Variants in SHE observed in about 807,000 individuals in gnomAD.
The protein encoded by SHE is SH2 domain-containing adapter protein E.
A neutral mutation model predicts 49.8 loss-of-function variants in SHE; 11 were observed. The observed-to-expected ratio is 0.22, with a 90% CI of 0.14 to 0.37. The LOEUF is 0.37. Ranked by LOEUF, SHE falls within the 10% of genes least tolerant of loss-of-function variation. The probability of loss-of-function intolerance (pLI) is 1.00; values close to 1 mark genes in which losing one functional copy is unlikely to be tolerated. For missense variants in SHE, 624 were observed against 655.5 expected (o/e 0.95, Z 0.52); for synonymous variants, 310 against 278.1 (o/e 1.11, Z -1.14).
At chr1:154,501,388 G>A in intron 1 of SHE, 48 bp downstream of exon 1, 2 of 1,579,264 alleles carry the variant, frequency 1.3e-6, no homozygotes, top group South Asian at 1.1e-5. Flanking sequence ...CAGGCGCCCA[G>A]GGCTCCCCTT....
At chr1:154,478,488 C>T (rs1055270906), downstream of SHE, among the ~76,000 whole-genome samples, 6 of 150,302 alleles carry the variant, frequency 4.0e-5, no homozygotes, top group African/African-American at 1.2e-4. Flanking sequence ...TGGGCTCTAC[C>T]ACTTACTATG....
intron 2 of SHE, among the ~76,000 whole-genome samples, chr1:154,489,968 T>C (rs545578956): frequency 6.6e-6 from 1 of 152,346 alleles, no homozygotes; most frequent in South Asian, 2.1e-4. Flanking sequence ...AAAACCAGAA[T>C]GGCTGTATGT....
intron 2 of SHE, among the ~76,000 whole-genome samples, chr1:154,493,002 C>CTAAAA (rs1692413331): frequency 2.0e-5 from 3 of 152,072 alleles, no homozygotes; most frequent in South Asian, 4.1e-4. Flanking sequence ...CCCACCTCCC[C>CTAAAA]TAAAATAAAA....
rs1571040164 is a variant in SHE at position 154,479,651 on chromosome 1, C to T, written c.*4498G>A. On this transcript the variant is annotated 3_prime_UTR_variant, in exon 6 of 6. Coordinates refer to ENST00000304760, the MANE Select transcript of SHE (RefSeq NM_001010846.3). ...ACCTATATTACATACAATCTTCAAA[C>T]ATTTTTAAAAGTTGAAACTATGTAT... 1 of 972,918 alleles carries T rather than the reference C, an allele frequency of 1.0e-6. No individual in the cohort carries two copies. Among genetic ancestry groups the T allele is most frequent in the African/African-American group, 1.8e-5 (1 of 57,116 alleles). The allele number at this position is 972,918 out of a possible 1,614,324, so 60.3% of individuals were successfully genotyped here.
At chr1:154,499,937 C>T (rs373471538) in intron 1 of SHE, among the ~76,000 whole-genome samples, 1 of 152,144 alleles carries the variant, frequency 6.6e-6, no homozygotes, top group Non-Finnish European at 1.5e-5. Flanking sequence ...ATAGAAGGCA[C>T]CTGAGGAGGT....
At chr1:154,475,335 C>T (rs941035573), downstream of SHE, among the ~76,000 whole-genome samples, 11 of 152,116 alleles carry the variant, frequency 7.2e-5, no homozygotes, top group African/African-American at 2.7e-4. Context: ...TACAGGCATG[C>T]GCCACCATGC....
Position 154,501,987 on chromosome 1 carries a change from C to A in SHE, c.40G>T (p.Gly14Cys), listed in dbSNP as rs1430837349. The A allele has an allele frequency of 2.9e-6, 4 of 1,402,454 alleles. No homozygotes were observed. The highest frequency in any genetic ancestry group is 3.7e-6 in the Non-Finnish European group (4 of 1,087,732). 86.9% of individuals were successfully genotyped at this position (1,402,454 alleles called of 1,614,324 possible). The change falls in exon 1 of 6, where the codon GGC (glycine) becomes TGC (cysteine). Residue 14 changes from glycine to cysteine, a missense_variant. Gly to Cys is a radical substitution (Grantham distance 159). Coordinates refer to ENST00000304760, the MANE Select transcript of SHE (RefSeq NM_001010846.3). Reference sequence around the variant, plus strand: ...GAGCAGGCGAGCGAGGAAGCCCAGCCCAGACACGCAGAGGCGCCAGGGGTC... The same window carrying A: ...GAGCAGGCGAGCGAGGAAGCCCAGCACAGACACGCAGAGGCGCCAGGGGTC... ...SPTPGASACLGWASSLACSTA... is the reference protein window; with the variant it reads ...SPTPGASACLCWASSLACSTA...
chr1:154,501,691 A>C lies in SHE; in HGVS notation c.336T>G (p.Ile112Met). 6.2e-7 allele frequency: 1 copy of C among 1,612,732 alleles called. No individual in the cohort carries two copies. Among genetic ancestry groups the C allele is most frequent in the Non-Finnish European group, 8.5e-7 (1 of 1,179,666 alleles). ...RLSRDSLQGLIQAAAGKGRKN... is the reference protein window; with the variant it reads ...RLSRDSLQGLMQAAAGKGRKN... ...TGCGGCCCTTGCCCGCGGCGGCCTG[A>C]ATCAGACCCTGCAGGCTGTCGCGGG... is the stretch of plus-strand genomic sequence containing the variant. Residue 112 changes from isoleucine to methionine, a missense_variant, in exon 1 of 6, where the codon ATT becomes ATG. Physicochemically the swap from Ile to Met is conservative, Grantham distance 10. Transcript: ENST00000304760.
chr1:154,496,205 A>C (rs376358265), intron 2 of SHE, among the ~76,000 whole-genome samples: 1 of 152,224 alleles, frequency 6.6e-6, no homozygotes, highest in African/African-American at 2.4e-5. Context: ...TATATTCTAA[A>C]TGAAGAAACT....
At chr1:154,499,393 G>A (rs1570862280) in intron 1 of SHE, among the ~76,000 whole-genome samples, 155 bp from the exon 2 acceptor site, 1 of 152,004 alleles carries the variant, frequency 6.6e-6, no homozygotes, top group East Asian at 1.9e-4. Context: ...ATGTGTCCCA[G>A]TTAGACAAAC....
At position 154,482,214 on chromosome 1, in the gene SHE, A is replaced by C; in HGVS notation, c.*1935T>G. ...TTTTTACTACAGACAGGGTTTCACCATGTTGGCCAGGCTGGTCTCAAACTC... is the reference window on the plus strand; with the variant it reads ...TTTTTACTACAGACAGGGTTTCACCCTGTTGGCCAGGCTGGTCTCAAACTC... On this transcript the variant is annotated 3_prime_UTR_variant, in exon 6 of 6. Transcript: ENST00000304760. The C allele has an allele frequency of 3.8e-6, 2 of 527,810 alleles. No homozygotes were observed. Among genetic ancestry groups the C allele is most frequent in the Non-Finnish European group, 2.4e-6 (1 of 412,042 alleles). The allele number at this position is 527,810 out of a possible 1,614,324, so 32.7% of individuals were successfully genotyped here.
chr1:154,479,703 C>T lies in SHE; in HGVS notation c.*4446G>A, dbSNP rs887630135. 3.0e-6 allele frequency: 3 copies of T among 984,446 alleles called. No homozygotes were observed. In the African/African-American group the frequency reaches 5.2e-5, roughly 17 times the overall value. 61.0% of individuals were successfully genotyped at this position (984,446 alleles called of 1,614,324 possible). On this transcript the variant is annotated 3_prime_UTR_variant, in exon 6 of 6. Coordinates refer to ENST00000304760, the MANE Select transcript of SHE (RefSeq NM_001010846.3). ...AGTTGATATCTAAAATATTAAAGCC[C>T]CTGACAAACTGAACGGCTAAGAACT...
chr1:154,484,517 C>T (rs1692111735), intron 5 of SHE, 182 bp from the exon 6 acceptor site: 1 of 553,920 alleles, frequency 1.8e-6, no homozygotes, highest in Non-Finnish European at 3.2e-6. Context: ...AGTCTAAACG[C>T]ATGTAATCCT....
chr1:154,490,235 A>G (rs1692322043), intron 2 of SHE, among the ~76,000 whole-genome samples: 1 of 152,256 alleles, frequency 6.6e-6, no homozygotes, highest in Non-Finnish European at 1.5e-5. Context: ...AAAGTAAAAG[A>G]AGTGTTATAG....
In SHE at chr1:154,484,140, G is replaced by A; in HGVS notation, c.*9C>T. 6.2e-7 allele frequency: 1 copy of A among 1,610,472 alleles called. No individual in the cohort carries two copies. Among genetic ancestry groups the A allele is most frequent in the Non-Finnish European group, 8.5e-7 (1 of 1,177,400 alleles). On this transcript the variant is annotated 3_prime_UTR_variant, in exon 6 of 6. Coordinates refer to ENST00000304760, the MANE Select transcript of SHE (RefSeq NM_001010846.3). ...GTGCCAGAGGCCCAGGGCTTGCAGTGGCTGAATCTTAGTGAAGCTTGCTGT... is the reference window on the plus strand; with the variant it reads ...GTGCCAGAGGCCCAGGGCTTGCAGTAGCTGAATCTTAGTGAAGCTTGCTGT...
chr1:154,486,752 A>T, intron 3 of SHE, 69 bp from the exon 4 acceptor site: 1 of 1,556,476 alleles, frequency 6.4e-7, no homozygotes. Flanking sequence ...AAGGGAAAAA[A>T]CCTCCTTGCC....
Position 154,480,043 on chromosome 1 carries a change from G to C in SHE, c.*4106C>G. 3 of 985,484 alleles carry C rather than the reference G, an allele frequency of 3.0e-6. No homozygotes were observed. Among genetic ancestry groups the C allele is most frequent in the Non-Finnish European group, 3.6e-6 (3 of 829,948 alleles). The allele number at this position is 985,484 out of a possible 1,614,324, so 61.0% of individuals were successfully genotyped here. A position where few individuals can be genotyped will look rare whatever the true frequency, so the allele number is the denominator to read the frequency against. ...GTAACGCACCATCTCTCTTCACACA[G>C]GGTCAGCGGTGGAGGGTAAGTTGAA... On this transcript the variant is annotated 3_prime_UTR_variant, in exon 6 of 6. Coordinates refer to ENST00000304760, the MANE Select transcript of SHE (RefSeq NM_001010846.3).
downstream of SHE, among the ~76,000 whole-genome samples, chr1:154,477,801 G>C (rs144783037): frequency 7.1e-3 from 1,048 of 148,406 alleles, 12 homozygotes; most frequent in African/African-American, 0.024. Flanking sequence ...TGAGGCAGGA[G>C]AATTGCTGGA....
intron 3 of SHE, among the ~76,000 whole-genome samples, chr1:154,488,389 G>A (rs932934904): frequency 1.3e-5 from 2 of 151,958 alleles, no homozygotes; most frequent in Admixed American, 6.6e-5. Context: ...CTCTTGAGTA[G>A]CTGGGACTAC....
Sources: gnomAD v4.1 joint callset for allele counts (sites outside exome capture counted in the v4.1 genomes callset) on GRCh38, gnomAD v4.1.1 for gene constraint, MANE v1.5 for transcripts, NCBI Gene and HGNC (gene_info 2026-07-23, HGNC 2026-07-21) for gene names.